CNTNAP2: variants seen among roughly 807,000 people sequenced by gnomAD.
The protein encoded by CNTNAP2 is contactin-associated protein-like 2.
A neutral mutation model predicts 155.2 loss-of-function variants in CNTNAP2; 98 were observed. That is an observed-to-expected ratio of 0.63 (90% CI 0.54 to 0.75). The LOEUF (loss-of-function observed/expected upper bound fraction) is 0.75, where lower values mean the gene tolerates loss of function less well. Among genes scored for constraint, CNTNAP2 ranks in the 30% least tolerant of loss-of-function variants. The pLI, the probability that CNTNAP2 is intolerant of heterozygous loss-of-function variation, is 0.00. For synonymous variants in CNTNAP2, 651 were observed against 631.2 expected (o/e 1.03, Z -0.47); for missense variants, 1,727 against 1,688.1 (o/e 1.02, Z -0.40).
chr7:147,789,024 C>T lies in CNTNAP2; in HGVS notation c.2099-114541C>T, dbSNP rs1057471120. Among the ~76,000 whole-genome samples, 10 of 150,850 alleles carry T rather than the reference C, an allele frequency of 6.6e-5. No individual in the cohort carries two copies. In the East Asian group the frequency reaches 1.2e-3, roughly 18 times the overall value. ...GGCTCAAGAAATTCTCCTGCCTCAG[C>T]CTCCCAAGTAGCTGGGATTACAGGC... On this transcript the variant is annotated intron_variant, in intron 13 of 23. Transcript: ENST00000361727.
chr7:146,123,746 G>A (rs916235367), intron 1 of CNTNAP2, among the ~76,000 whole-genome samples: 2 of 152,136 alleles, frequency 1.3e-5, no homozygotes, highest in African/African-American at 4.8e-5. Flanking sequence ...AGTCTGTTAA[G>A]TGGTGAAATA....
chr7:146,722,697 CCA>C (rs201552919), intron 1 of CNTNAP2, among the ~76,000 whole-genome samples: 1 of 150,230 alleles, frequency 6.7e-6, no homozygotes, highest in South Asian at 2.1e-4. Context: ...TGAATTGCGT[CCA>C]CACACACACA....
chr7:146,956,290 T>C (rs1467462257), intron 3 of CNTNAP2, among the ~76,000 whole-genome samples: 4 of 152,156 alleles, frequency 2.6e-5, no homozygotes, highest in Non-Finnish European at 5.9e-5. Flanking sequence ...CGTGGTAATA[T>C]CAAATGGTTG....
At chr7:146,504,880 C>T (rs1797359751) in intron 1 of CNTNAP2, among the ~76,000 whole-genome samples, 1 of 152,172 alleles carries the variant, frequency 6.6e-6, no homozygotes, top group African/African-American at 2.4e-5. Flanking sequence ...TTGATGTGGT[C>T]ACCTATTCCA....
intron 18 of CNTNAP2, 124 bp from the exon 19 acceptor site, chr7:148,217,164 G>T (rs1030692992): frequency 8.3e-6 from 7 of 847,956 alleles, no homozygotes; most frequent in African/African-American, 1.7e-5. Flanking sequence ...TTTCTCCATA[G>T]AACTTACTCA....
At chr7:147,462,961 A>G (rs978661078) in intron 10 of CNTNAP2, among the ~76,000 whole-genome samples, 2 of 152,220 alleles carry the variant, frequency 1.3e-5, no homozygotes, top group Non-Finnish European at 2.9e-5. Context: ...AAATAACAAA[A>G]TGGTAAAACT....
At chr7:147,541,386 C>G (rs1440615859) in intron 11 of CNTNAP2, among the ~76,000 whole-genome samples, 2 of 152,164 alleles carry the variant, frequency 1.3e-5, no homozygotes, top group African/African-American at 2.4e-5. Flanking sequence ...CTGTGACAAA[C>G]AGAAGGCACA....
At chr7:147,999,381 A>G (rs1033469348) in intron 15 of CNTNAP2, among the ~76,000 whole-genome samples, 1 of 151,584 alleles carries the variant, frequency 6.6e-6, no homozygotes, top group African/African-American at 2.4e-5. Flanking sequence ...CGGCCAGTAG[A>G]AATCTTTTTT....
intron 1 of CNTNAP2, among the ~76,000 whole-genome samples, chr7:146,671,955 A>G (rs1314635629): frequency 1.3e-5 from 2 of 152,032 alleles, no homozygotes; most frequent in Non-Finnish European, 2.9e-5. Context: ...AGTTGGGATT[A>G]CAGGTGCCTG....
At chr7:146,451,266 A>G (rs1237523259) in intron 1 of CNTNAP2, among the ~76,000 whole-genome samples, 3 of 152,108 alleles carry the variant, frequency 2.0e-5, no homozygotes, top group African/African-American at 7.2e-5. Flanking sequence ...TTATTTCTAA[A>G]TAATTGTAAT....
At chr7:146,726,797 T>A (rs557825528) in intron 1 of CNTNAP2, among the ~76,000 whole-genome samples, 4 of 152,298 alleles carry the variant, frequency 2.6e-5, no homozygotes, top group Admixed American at 2.0e-4. Flanking sequence ...ATTAAGTACC[T>A]AATAATAATG....
chr7:146,641,972 A>T (rs540269867), intron 1 of CNTNAP2, among the ~76,000 whole-genome samples: 1 of 152,258 alleles, frequency 6.6e-6, no homozygotes, highest in African/African-American at 2.4e-5. Flanking sequence ...GTAAATGAGA[A>T]CATTCAAGAA....
At chr7:146,462,651 T>C (rs1199889791) in intron 1 of CNTNAP2, among the ~76,000 whole-genome samples, 1 of 152,218 alleles carries the variant, frequency 6.6e-6, no homozygotes, top group Admixed American at 6.5e-5. Flanking sequence ...CACAAAATAG[T>C]ATGTGTTCTG....
At chr7:147,338,165 A>C (rs1262958991) in intron 9 of CNTNAP2, among the ~76,000 whole-genome samples, 1 of 152,144 alleles carries the variant, frequency 6.6e-6, no homozygotes, top group Non-Finnish European at 1.5e-5. Context: ...GTGGAAGGGC[A>C]ACTCTTCACA....
rs1220994600 is a variant in CNTNAP2 at position 146,566,023 on chromosome 7, ACT to A, written c.98-208245_98-208244del. On this transcript the variant is annotated intron_variant, in intron 1 of 23. Coordinates refer to ENST00000361727, the MANE Select transcript of CNTNAP2 (RefSeq NM_014141.6). The stretch of plus-strand genomic sequence containing the variant: ...ATATTCACCGGCAGATCACACAGTG[ACT>A]CTGTAATGGCTGCAGCCTCTTTGCA... Among the ~76,000 whole-genome samples the A allele has an allele frequency of 4.6e-5, 7 of 152,206 alleles. No homozygotes were observed. The South Asian group carries it at 8.3e-4, about 18-fold the overall frequency.
intron 10 of CNTNAP2, among the ~76,000 whole-genome samples, chr7:147,411,854 G>T (rs568264140): frequency 6.6e-6 from 1 of 152,232 alleles, no homozygotes; most frequent in African/African-American, 2.4e-5. Flanking sequence ...TCTGTAATGA[G>T]ATAGATAGCA....
rs150598554 is a variant in CNTNAP2 at position 148,187,776 on chromosome 7, T to C, written c.3010+15298T>C. ...TTTTTTTCCTCTAGCCAAAGGATAA[T>C]GTAAAAATTATGACACAAATAAAAT... On this transcript the variant is annotated intron_variant, in intron 18 of 23. Transcript: ENST00000361727. Among the ~76,000 whole-genome samples the C allele has an allele frequency of 8.1e-3, 1,240 of 152,262 alleles. 13 individuals carry two copies. The highest frequency in any genetic ancestry group is 0.024 in the Middle Eastern group (7 of 294).
chr7:148,382,056 A>G lies in CNTNAP2; in HGVS notation c.3476-1593A>G, dbSNP rs80186522. ...GTTGAAACACTGGGAATTTTCCCCA[A>G]TAGGGAGAAGGCACAGAAAGGAGAA... On this transcript the variant is annotated intron_variant, in intron 21 of 23. Transcript: ENST00000361727. 6.5e-3 allele frequency among the ~76,000 whole-genome samples: 993 copies of G among 152,368 alleles called. 13 individuals carry two copies. The highest frequency in any genetic ancestry group is 0.023 in the African/African-American group (937 of 41,586).
chr7:147,563,148 T>G (rs1252754703), intron 12 of CNTNAP2, among the ~76,000 whole-genome samples: 2 of 152,194 alleles, frequency 1.3e-5, no homozygotes, highest in Non-Finnish European at 2.9e-5. Context: ...TTAGTAACTT[T>G]GCTAAATTCA....
Sources: allele counts gnomAD v4.1 joint callset (sites outside exome capture counted in the v4.1 genomes callset), GRCh38; gene constraint gnomAD v4.1.1; transcripts MANE v1.5; gene names NCBI Gene and HGNC (gene_info 2026-07-23, HGNC 2026-07-21).